The following DNAH11 variants were observed in gnomAD, a reference collection of about 807,000 sequenced individuals.
DNAH11 encodes the protein dynein axonemal heavy chain 11, also known as axonemal beta dynein heavy chain 11.
DNAH11 carries 442 observed loss-of-function variants against 526.0 expected under a neutral mutation model. The ratio of observed to expected loss-of-function variants is 0.84; its 90% CI spans 0.78 to 0.91. The LOEUF (loss-of-function observed/expected upper bound fraction) is 0.91. Among genes scored for constraint, DNAH11 ranks in the 40% least tolerant of loss-of-function variants. The pLI is 0.00. For missense variants in DNAH11, 6,989 were observed against 5,448.7 expected (o/e 1.28, Z -8.90); for synonymous variants, 2,461 against 1,935.9 (o/e 1.27, Z -7.12).
At chr7:21,897,607 C>G (rs1784568035) in intron 79 of DNAH11, among the ~76,000 whole-genome samples, 1 of 123,208 alleles carries the variant, frequency 8.1e-6, no homozygotes, top group Non-Finnish European at 1.8e-5. Flanking sequence ...TAGGAAAACT[C>G]AAATTTTCTA....
rs114404180 is a variant in DNAH11 at position 21,789,008 on chromosome 7, G to A, written c.9925-233G>A. 0.013 allele frequency among the ~76,000 whole-genome samples: 1,994 copies of A among 152,206 alleles called. 36 individuals are homozygous for A. Among genetic ancestry groups the A allele is most frequent in the African/African-American group, 0.04 (1,670 of 41,542 alleles). On this transcript the variant is annotated intron_variant, in intron 60 of 81. Coordinates refer to ENST00000409508, the MANE Select transcript of DNAH11 (RefSeq NM_001277115.2). ...TATTACCATGTCTGAAAAATAACAG[G>A]CCAGGTGTGGTGGCATACACCTGTA...
chr7:21,649,093 A>G (rs1583561644), intron 28 of DNAH11, among the ~76,000 whole-genome samples: 1 of 152,248 alleles, frequency 6.6e-6, no homozygotes, highest in African/African-American at 2.4e-5. Context: ...TTGCTCATAC[A>G]ATGAGATATC....
At chr7:21,796,216 A>G (rs1239470500) in intron 61 of DNAH11, among the ~76,000 whole-genome samples, 2 of 152,224 alleles carry the variant, frequency 1.3e-5, no homozygotes, top group Admixed American at 6.5e-5. Flanking sequence ...TAACCGTGTT[A>G]TAGACAATGA....
intron 2 of DNAH11, among the ~76,000 whole-genome samples, chr7:21,554,346 G>T (rs951706304): frequency 6.6e-6 from 1 of 151,860 alleles, no homozygotes; most frequent in South Asian, 2.1e-4. Flanking sequence ...GCTAATTTTT[G>T]TATTTTTTAG....
At position 21,816,547 on chromosome 7, in the gene DNAH11, A is replaced by G. The variant is rs939752625; in HGVS notation, c.10413A>G (p.Glu3471=). The change falls in exon 64 of 82, where the codon GAA becomes GAG. Residue 3471 remains glutamate, a synonymous_variant. Coordinates refer to ENST00000409508, the MANE Select transcript of DNAH11 (RefSeq NM_001277115.2). ...DDATIAAWNN[E]GLPSDRMSTE... is the part of the protein sequence containing the mutation. ...CTACAATTGCCGCCTGGAATAACGA[A>G]GGACTGCCCAGTGACAGAATGTCCA... 1 of 1,613,140 alleles carries G rather than the reference A, an allele frequency of 6.2e-7. No homozygotes were observed.
At chr7:21,580,250 T>A (rs1402081798) in intron 8 of DNAH11, among the ~76,000 whole-genome samples, 1 of 152,190 alleles carries the variant, frequency 6.6e-6, no homozygotes, top group Non-Finnish European at 1.5e-5. Context: ...CCTTAAGCCG[T>A]ATGTTCTCTA....
intron 2 of DNAH11, among the ~76,000 whole-genome samples, chr7:21,557,234 G>A (rs1293681905): frequency 6.6e-6 from 1 of 152,088 alleles, no homozygotes; most frequent in African/African-American, 2.4e-5. Flanking sequence ...TTTCCAGGAT[G>A]GTCAAACTGG....
rs1348738729 is a variant in DNAH11 at position 21,637,646 on chromosome 7, G to A, written c.4761G>A (p.Val1587=). 5 of 1,590,100 alleles carry A rather than the reference G, an allele frequency of 3.1e-6. No homozygotes were observed. The Middle Eastern group carries it at 5.0e-4, about 158-fold the overall frequency. ...LMFKTAKVEN[V]LEATCRPNLY... is the part of the protein sequence containing the mutation. ...TCAAGACAGCCAAAGTAGAAAATGTGTTAGAAGCAACGTGCAGACCTAATC... is the reference window on the plus strand; with the variant it reads ...TCAAGACAGCCAAAGTAGAAAATGTATTAGAAGCAACGTGCAGACCTAATC... The change falls in exon 27 of 82, where the codon GTG becomes GTA. Residue 1587 remains valine, a synonymous_variant. Coordinates refer to ENST00000409508, the MANE Select transcript of DNAH11 (RefSeq NM_001277115.2).
chr7:21,809,650 G>C (rs7809104), intron 63 of DNAH11, among the ~76,000 whole-genome samples: 1 of 151,822 alleles, frequency 6.6e-6, no homozygotes, highest in East Asian at 1.9e-4. Context: ...TACAACCTCC[G>C]CCCCCGAGGT....
chr7:21,818,157 A>T lies in DNAH11; in HGVS notation c.10569-60A>T, dbSNP rs565623415. The T allele has an allele frequency of 1.7e-4, 264 of 1,541,952 alleles. 1 individual carries two copies. The highest frequency in any genetic ancestry group is 2.1e-4 in the Non-Finnish European group (242 of 1,136,914). ...TTAAATATAATTTGATCATTTAAAA[A>T]ATTTTGAACATTTTGTGCCAATTTA... is the stretch of plus-strand genomic sequence containing the variant. On this transcript the variant is annotated intron_variant, in intron 64 of 81. Transcript: ENST00000409508.
At chr7:21,659,100 T>C in intron 30 of DNAH11, 69 bp downstream of exon 30, 1 of 1,291,788 alleles carries the variant, frequency 7.7e-7, no homozygotes, top group Non-Finnish European at 1.1e-6. Flanking sequence ...CATTCATTCT[T>C]TTAGTCATTC....
intron 79 of DNAH11, 91 bp downstream of exon 79, chr7:21,895,090 C>T (rs573833323): frequency 6.4e-5 from 68 of 1,065,960 alleles, no homozygotes; most frequent in Admixed American, 2.3e-4. Context: ...ACTATGCAGA[C>T]GGAGCTTTGT....
At chr7:21,707,922 C>G in intron 40 of DNAH11, 87 bp downstream of exon 40, 1 of 1,381,286 alleles carries the variant, frequency 7.2e-7, no homozygotes, top group Non-Finnish European at 9.7e-7. Context: ...GTCATAGTCG[C>G]AGACTTACTG....
intron 8 of DNAH11, among the ~76,000 whole-genome samples, chr7:21,577,915 A>C (rs971045130): frequency 6.6e-6 from 1 of 152,208 alleles, no homozygotes; most frequent in African/African-American, 2.4e-5. Context: ...GTAGTGTATT[A>C]GTCCATTTTC....
At position 21,884,677 on chromosome 7, in the gene DNAH11, G is replaced by A. The variant is rs1207586664; in HGVS notation, c.12507+267G>A. Among the ~76,000 whole-genome samples, 3 of 152,148 alleles carry A rather than the reference G, an allele frequency of 2.0e-5. No individual in the cohort carries two copies. In the East Asian group the frequency reaches 5.8e-4, roughly 29 times the overall value. ...GCAGCCTCACATGCACTGACTCATC[G>A]GCTCTTTATAAAAACCCTATGAGGT... On this transcript the variant is annotated intron_variant, in intron 76 of 81. Transcript: ENST00000409508.
At chr7:21,763,068 G>C (rs1017185939) in intron 54 of DNAH11, among the ~76,000 whole-genome samples, 97 of 152,306 alleles carry the variant, frequency 6.4e-4, no homozygotes, top group African/African-American at 2.2e-3. Context: ...ACAAGGCCAG[G>C]TGCGGTGGCT....
At chr7:21,804,649 G>A (rs972806517) in intron 62 of DNAH11, among the ~76,000 whole-genome samples, 1 of 151,840 alleles carries the variant, frequency 6.6e-6, no homozygotes, top group Non-Finnish European at 1.5e-5. Context: ...ATATTCTATT[G>A]ACCCTGCCTT....
intron 65 of DNAH11, among the ~76,000 whole-genome samples, chr7:21,841,758 C>G (rs1190957140): frequency 6.6e-6 from 1 of 152,184 alleles, no homozygotes; most frequent in Non-Finnish European, 1.5e-5. Flanking sequence ...TGAATACAAA[C>G]TATTGTCAAA....
At chr7:21,819,417 A>G (rs1325184179) in intron 65 of DNAH11, among the ~76,000 whole-genome samples, 1 of 152,192 alleles carries the variant, frequency 6.6e-6, no homozygotes, top group South Asian at 2.1e-4. Flanking sequence ...TAATAAACCA[A>G]AATTTACCCA....
Sources: allele counts gnomAD v4.1 joint callset (sites outside exome capture counted in the v4.1 genomes callset), GRCh38; gene constraint gnomAD v4.1.1; transcripts MANE v1.5; gene names NCBI Gene and HGNC (gene_info 2026-07-23, HGNC 2026-07-21).